Variants in NEMP1 observed in about 807,000 individuals in gnomAD.
NEMP1 encodes nuclear envelope integral membrane protein 1.
NEMP1 carries 29 observed loss-of-function variants against 53.7 expected under a neutral mutation model. That is an observed-to-expected ratio of 0.54 (90% CI 0.40 to 0.74). The LOEUF (loss-of-function observed/expected upper bound fraction) is 0.74, where lower values mean the gene tolerates loss of function less well. Ranked by LOEUF, NEMP1 falls within the 30% of genes least tolerant of loss-of-function variation. NEMP1 has a pLI of 0.00. For missense variants in NEMP1, 477 were observed against 528.6 expected (o/e 0.90, Z 0.96); for synonymous variants, 193 against 192.9 (o/e 1.00, Z 0.00).
At chr12:57,065,332 G>C (rs940028533) in intron 4 of NEMP1, among the ~76,000 whole-genome samples, 2 of 152,066 alleles carry the variant, frequency 1.3e-5, no homozygotes, top group Non-Finnish European at 1.5e-5. Context: ...TTAACAAGAG[G>C]ATCACCCCTC....
Position 57,060,887 on chromosome 12 carries a change from A to C in NEMP1, c.1039T>G (p.Tyr347Asp), listed in dbSNP as rs1416818045. Residue 347 changes from tyrosine (Y) to aspartate (D), a missense_variant, in exon 8 of 9, where the codon TAT becomes GAT. Tyr to Asp is a radical substitution (Grantham distance 160, BLOSUM62 -3). Coordinates refer to ENST00000300128, the MANE Select transcript of NEMP1 (RefSeq NM_001130963.2). ...GTTTCTACCTCTCCTTGTATCCGATATTCTTCTTCTGTCAGGAGACGAGGG... is the reference window on the plus strand; with the variant it reads ...GTTTCTACCTCTCCTTGTATCCGATCTTCTTCTTCTGTCAGGAGACGAGGG... ...VPPRLLTEEE[Y>D]RIQGEVETRK... The C allele has an allele frequency of 6.2e-7, 1 of 1,614,114 alleles. No homozygotes were observed. The highest frequency in any genetic ancestry group is 2.2e-5 in the East Asian group (1 of 44,874).
intron 7 of NEMP1, among the ~76,000 whole-genome samples, chr12:57,062,240 G>A (rs2031845691): frequency 6.6e-6 from 1 of 152,132 alleles, no homozygotes; most frequent in African/African-American, 2.4e-5. Context: ...AGCACTTTGT[G>A]GGGCTGAGGT....
chr12:57,073,363 G>T (rs2032445616), intron 1 of NEMP1, among the ~76,000 whole-genome samples: 1 of 151,922 alleles, frequency 6.6e-6, no homozygotes, highest in Admixed American at 6.6e-5. Flanking sequence ...TATGCTGCCA[G>T]GCGCGGTGGC....
At chr12:57,067,808 C>G (rs1356329364) in intron 4 of NEMP1, among the ~76,000 whole-genome samples, 1 of 152,150 alleles carries the variant, frequency 6.6e-6, no homozygotes, top group African/African-American at 2.4e-5. Context: ...ATTATTTTGT[C>G]ACCCAGGCTG....
At chr12:57,081,864 T>G (rs1482087253), upstream of NEMP1, among the ~76,000 whole-genome samples, 4 of 144,012 alleles carry the variant, frequency 2.8e-5, no homozygotes, top group Non-Finnish European at 4.5e-5. Flanking sequence ...CTGAGATCGC[T>G]CCACTGCACT....
chr12:57,073,366 G>A (rs1301330062), intron 1 of NEMP1, among the ~76,000 whole-genome samples: 1 of 151,754 alleles, frequency 6.6e-6, no homozygotes, highest in Non-Finnish European at 1.5e-5. Flanking sequence ...GCTGCCAGGC[G>A]CGGTGGCTCA....
rs778102607 is a variant in NEMP1, at chr12:57,060,964, C to T, written c.981-19G>A. The T allele has an allele frequency of 6.2e-6, 10 of 1,606,758 alleles. No individual in the cohort carries two copies. In the African/African-American group the frequency reaches 8.1e-5, roughly 13 times the overall value. On this transcript the variant is annotated intron_variant, in intron 7 of 8. Coordinates refer to ENST00000300128, the MANE Select transcript of NEMP1 (RefSeq NM_001130963.2). Reference sequence around the variant, plus strand: ...CACCTTTCTGTGCTCACCAAAATAACATTATGAATCATTAATCAGTAATCT... The same window carrying T: ...CACCTTTCTGTGCTCACCAAAATAATATTATGAATCATTAATCAGTAATCT...
chr12:57,076,961 G>A (rs1368530334), intron 1 of NEMP1, among the ~76,000 whole-genome samples: 2 of 150,326 alleles, frequency 1.3e-5, no homozygotes, highest in Non-Finnish European at 3.0e-5. Flanking sequence ...GGGGCGGGGC[G>A]GGCGGGGGGT....
intron 1 of NEMP1, among the ~76,000 whole-genome samples, chr12:57,073,320 T>G (rs1274346337): frequency 6.7e-6 from 1 of 148,936 alleles, no homozygotes; most frequent in Non-Finnish European, 1.5e-5. Context: ...CCCGGCTAAT[T>G]TTTTTTTTTG....
At chr12:57,069,141 G>T in intron 4 of NEMP1, 93 bp downstream of exon 4, 1 of 791,872 alleles carries the variant, frequency 1.3e-6, no homozygotes, top group South Asian at 2.5e-5. Flanking sequence ...TAAAGGTCCT[G>T]GAAATGGGAA....
intron 1 of NEMP1, among the ~76,000 whole-genome samples, chr12:57,075,200 C>T (rs957634740): frequency 6.6e-6 from 1 of 151,486 alleles, no homozygotes; most frequent in African/African-American, 2.4e-5. Context: ...TCCTGGCTAA[C>T]AAGGTGAAAC....
intron 1 of NEMP1, among the ~76,000 whole-genome samples, chr12:57,073,504 C>T (rs1317762438): frequency 2.0e-5 from 3 of 151,904 alleles, no homozygotes; most frequent in South Asian, 4.1e-4. Flanking sequence ...ATTAGCCAGG[C>T]GTGGTGGCAC....
chr12:57,073,329 T>C (rs1360362038), intron 1 of NEMP1, among the ~76,000 whole-genome samples: 1 of 151,996 alleles, frequency 6.6e-6, no homozygotes, highest in Non-Finnish European at 1.5e-5. Context: ...TTTTTTTTTT[T>C]GTATTAAGTA....
intron 4 of NEMP1, among the ~76,000 whole-genome samples, chr12:57,067,116 G>C (rs1445729930): frequency 1.3e-5 from 2 of 152,132 alleles, no homozygotes; most frequent in Non-Finnish European, 2.9e-5. Context: ...ATGAGGTCAG[G>C]AGATCGAGAC....
upstream of NEMP1, chr12:57,078,827 A>C: frequency 1.4e-6 from 2 of 1,477,400 alleles, no homozygotes; most frequent in Non-Finnish European, 1.8e-6. Context: ...CCTATCCTCT[A>C]CGAAACCCGC....
At chr12:57,080,791 T>G (rs1165208199), upstream of NEMP1, among the ~76,000 whole-genome samples, 1 of 150,852 alleles carries the variant, frequency 6.6e-6, no homozygotes, top group Non-Finnish European at 1.5e-5. Context: ...CTTAGGAGTC[T>G]GAGACAGAAG....
chr12:57,066,340 T>G (rs2136493471), intron 4 of NEMP1, among the ~76,000 whole-genome samples: 1 of 152,318 alleles, frequency 6.6e-6, no homozygotes, highest in Non-Finnish European at 1.5e-5. Context: ...ATATCAGCAA[T>G]AAGGCTGTTT....
At chr12:57,072,716 T>A (rs2032410226) in intron 2 of NEMP1, 72 bp downstream of exon 2, 1 of 1,475,312 alleles carries the variant, frequency 6.8e-7, no homozygotes, top group Non-Finnish European at 9.2e-7. Flanking sequence ...GGGAAGAAAG[T>A]GTCAAAATAC....
chr12:57,076,823 C>T (rs1233670747), intron 1 of NEMP1, among the ~76,000 whole-genome samples: 1 of 151,230 alleles, frequency 6.6e-6, no homozygotes, highest in African/African-American at 2.4e-5. Context: ...AAAAATTAGC[C>T]GAGTGTGGTG....
Sources: gnomAD v4.1 joint callset for allele counts (sites outside exome capture counted in the v4.1 genomes callset) on GRCh38, gnomAD v4.1.1 for gene constraint, MANE v1.5 for transcripts, NCBI Gene and HGNC (gene_info 2026-07-23, HGNC 2026-07-21) for gene names.